The following EPG5 variants were observed in gnomAD, a reference collection of about 807,000 sequenced individuals.
EPG5 encodes the protein ectopic P-granules 5 autophagy tethering factor, also known as ectopic P granules protein 5 homolog.
A neutral mutation model predicts 302.7 loss-of-function variants in EPG5; 159 were observed. The ratio of observed to expected loss-of-function variants is 0.53; its 90% CI spans 0.46 to 0.60. EPG5 has a LOEUF of 0.60. EPG5 is among the 20% of genes least tolerant of loss of function. The probability of loss-of-function intolerance (pLI) is 0.00; values close to 1 mark genes in which losing one functional copy is unlikely to be tolerated. For missense variants in EPG5, 2,896 were observed against 3,092.4 expected (o/e 0.94, Z 1.51); for synonymous variants, 1,158 against 1,136.8 (o/e 1.02, Z -0.37).
chr18:45,842,380 G>T, the EPG5 span: 8 of 599,412 alleles, frequency 1.3e-5, no homozygotes, highest in Non-Finnish European at 2.1e-5. Context: ...CCATTTCGGA[G>T]CTCCCTGATA....
intron 1 of EPG5, among the ~76,000 whole-genome samples, chr18:45,963,859 C>T (rs1003297655): frequency 3.3e-5 from 5 of 152,134 alleles, no homozygotes; most frequent in African/African-American, 4.8e-5. Flanking sequence ...CAAGAATGAA[C>T]GTAAAGAGGC....
the EPG5 span, chr18:45,840,204 C>T: frequency 6.2e-7 from 1 of 1,613,224 alleles, no homozygotes; most frequent in Non-Finnish European, 8.5e-7. Context: ...TGCTGTCCCT[C>T]CCACAGAGCA....
the EPG5 span, among the ~76,000 whole-genome samples, chr18:45,808,548 G>A: frequency 1.3e-5 from 2 of 152,134 alleles, no homozygotes; most frequent in African/African-American, 2.4e-5. Context: ...AATCCTACAC[G>A]CTAGAAGGGA....
At position 45,847,824 on chromosome 18, in the gene EPG5, CACTT is replaced by C. The variant is rs2145112976; in HGVS notation, c.*4639_*4642del. ...ATGTGGGAAGAAAACGAGTTGAACA[CACTT>C]AAGTATGTGTCTCCACATAAGTGAT... On this transcript the variant is annotated 3_prime_UTR_variant, in exon 44 of 44. Transcript: ENST00000282041. 6.6e-6 allele frequency: 1 copy of C among 151,888 alleles called. No individual in the cohort carries two copies. The highest frequency in any genetic ancestry group is 1.9e-4 in the East Asian group (1 of 5,174). 9.4% of individuals were successfully genotyped at this position (151,888 alleles called of 1,614,324 possible).
At chr18:45,939,397 TGAGA>T (rs371421015) in intron 10 of EPG5, among the ~76,000 whole-genome samples, 199 bp downstream of exon 10, 2 of 150,232 alleles carry the variant, frequency 1.3e-5, no homozygotes, top group African/African-American at 2.5e-5. Context: ...AGAAAGAAAT[TGAGA>T]GAGAGAGAGA....
intron 27 of EPG5, among the ~76,000 whole-genome samples, chr18:45,897,876 G>A (rs1420631579): frequency 1.3e-5 from 2 of 152,178 alleles, no homozygotes; most frequent in African/African-American, 4.8e-5. Flanking sequence ...AGCAAAAAAA[G>A]AAGGGAAATT....
intron 24 of EPG5, among the ~76,000 whole-genome samples, chr18:45,905,494 A>G (rs1176109146): frequency 1.3e-5 from 2 of 152,196 alleles, no homozygotes; most frequent in South Asian, 2.1e-4. Flanking sequence ...TGAGTGTTCA[A>G]TGTGCTGGGC....
At chr18:45,900,948 C>A in intron 26 of EPG5, 48 bp downstream of exon 26, 1 of 1,567,172 alleles carries the variant, frequency 6.4e-7, no homozygotes, top group South Asian at 1.2e-5. Flanking sequence ...TCCAGGCTGT[C>A]AAAGCCACCA....
At chr18:45,871,846 G>A (rs1352195403) in intron 35 of EPG5, among the ~76,000 whole-genome samples, 1 of 152,152 alleles carries the variant, frequency 6.6e-6, no homozygotes, top group African/African-American at 2.4e-5. Context: ...GAGGGCAGGA[G>A]GAATAGGTTT....
chr18:45,860,012 G>A (rs1334196686), intron 40 of EPG5, 92 bp downstream of exon 40: 6 of 1,482,966 alleles, frequency 4.0e-6, no homozygotes, highest in Non-Finnish European at 5.5e-6. Flanking sequence ...ATCCCTCACT[G>A]GGAAGAGTCT....
At chr18:45,953,410 T>A (rs2050955330) in intron 2 of EPG5, 4 of 985,362 alleles carry the variant, frequency 4.1e-6, no homozygotes, top group Non-Finnish European at 4.8e-6. Flanking sequence ...TCTTCTTCAA[T>A]ACAGTATTTC....
At position 45,887,746 on chromosome 18, in the gene EPG5, C is replaced by CT; in HGVS notation, c.5109+4dup. On this transcript the variant is annotated splice_donor_region_variant and intron_variant, in intron 29 of 43. Transcript: ENST00000282041. ...GATCAAGGCAAAAGGTACAGATAGC[C>CT]TTACCTGTCCCAAGATCTCAATACA... is the stretch of plus-strand genomic sequence containing the variant. 6.4e-7 allele frequency: 1 copy of CT among 1,553,342 alleles called. No individual in the cohort carries two copies. Among genetic ancestry groups the CT allele is most frequent in the Non-Finnish European group, 8.8e-7 (1 of 1,136,902 alleles).
At chr18:45,888,796 A>T (rs2049273354) in intron 28 of EPG5, among the ~76,000 whole-genome samples, 1 of 152,230 alleles carries the variant, frequency 6.6e-6, no homozygotes, top group South Asian at 2.1e-4. Flanking sequence ...AATCAGCTAT[A>T]AGAACTAATT....
intron 9 of EPG5, among the ~76,000 whole-genome samples, chr18:45,940,542 T>C (rs956415113): frequency 1.3e-5 from 2 of 151,688 alleles, no homozygotes; most frequent in African/African-American, 4.9e-5. Context: ...GTGAAGGCGG[T>C]AAGAAGCAGC....
intron 36 of EPG5, among the ~76,000 whole-genome samples, chr18:45,868,502 T>A (rs982701092): frequency 2.5e-4 from 38 of 151,842 alleles, no homozygotes; most frequent in African/African-American, 8.9e-4. Flanking sequence ...CATGCCCAGC[T>A]AATTTTTTAT....
intron 24 of EPG5, among the ~76,000 whole-genome samples, chr18:45,905,360 T>A (rs952908061): frequency 8.5e-5 from 13 of 152,208 alleles, no homozygotes; most frequent in Admixed American, 8.5e-4. Context: ...GGCTTCTCAA[T>A]AAGCATACTG....
the EPG5 span, chr18:45,837,507 C>A: frequency 6.7e-7 from 1 of 1,486,708 alleles, no homozygotes. Flanking sequence ...CCCGCCCCGC[C>A]CTCAGGCTCG....
At chr18:45,936,017 A>G (rs1367227959) in intron 10 of EPG5, among the ~76,000 whole-genome samples, 1 of 152,184 alleles carries the variant, frequency 6.6e-6, no homozygotes, top group African/African-American at 2.4e-5. Flanking sequence ...CCCACACTGT[A>G]GTGGCAGAAA....
chr18:45,887,708 A>G, intron 29 of EPG5, 43 bp downstream of exon 29: 1 of 1,430,500 alleles, frequency 7.0e-7, no homozygotes, highest in Non-Finnish European at 9.4e-7. Flanking sequence ...GACACCGCAG[A>G]GACTCATTAT....
Sources: allele counts gnomAD v4.1 joint callset (sites outside exome capture counted in the v4.1 genomes callset), GRCh38; gene constraint gnomAD v4.1.1; transcripts MANE v1.5; gene names NCBI Gene and HGNC (gene_info 2026-07-23, HGNC 2026-07-21).